CACNB3: variants seen among roughly 807,000 people sequenced by gnomAD.
CACNB3 encodes the protein voltage-dependent L-type calcium channel subunit beta-3.
In CACNB3, 36 loss-of-function variants were observed where a neutral mutation model predicts 63.7. That is an observed-to-expected ratio of 0.57 (90% CI 0.43 to 0.75). The LOEUF (loss-of-function observed/expected upper bound fraction) is 0.75. CACNB3 is among the 30% of genes least tolerant of loss of function. The probability of loss-of-function intolerance (pLI) is 0.00; values close to 1 mark genes in which losing one functional copy is unlikely to be tolerated. For synonymous variants in CACNB3, 241 were observed against 250.6 expected, an observed-to-expected ratio of 0.96 and a Z score of 0.36; for missense variants, 493 against 648.6, an observed-to-expected ratio of 0.76 and a Z score of 2.61.
In CACNB3 at chr12:48,823,489, A is replaced by G. The variant is rs1937963114; in HGVS notation, c.168+23A>G. ...AAGGTATACTTTCTGGGCATGGGGC[A>G]AGACAGGAGGCCAAGCTAGGTGGAA... On this transcript the variant is annotated intron_variant, in intron 2 of 12. Transcript: ENST00000301050. This position sits in a 1 kb window ranked among gnomAD's most constrained non-coding sequence, Gnocchi z 4.2. 1.2e-5 allele frequency: 19 copies of G among 1,611,458 alleles called. No homozygotes were observed. In the East Asian group the frequency reaches 4.2e-4, roughly 36 times the overall value.
intron 1 of CACNB3, 33 bp downstream of exon 1, chr12:48,819,007 A>G (rs1371303503): frequency 6.3e-7 from 1 of 1,592,940 alleles, no homozygotes; most frequent in East Asian, 2.3e-5. Context: ...GGGGCGGGGA[A>G]GTTGGGGTGA....
chr12:48,828,768 CCT>C lies in CACNB3; in HGVS notation c.*870_*871del. ...GAGAACCGGGCTCCAGACTTTGTTC[CCT>C]GACTCATAGCTGCCGCTTGTTAGGT... On this transcript the variant is annotated 3_prime_UTR_variant, in exon 13 of 13. Coordinates refer to ENST00000301050, the MANE Select transcript of CACNB3 (RefSeq NM_000725.4). 2.2e-6 allele frequency: 1 copy of C among 456,392 alleles called. No homozygotes were observed. Among genetic ancestry groups the C allele is most frequent in the South Asian group, 1.5e-5 (1 of 64,560 alleles). 28.3% of individuals were successfully genotyped at this position (456,392 alleles called of 1,614,324 possible).
At chr12:48,822,196 T>A (rs76108647) in intron 1 of CACNB3, among the ~76,000 whole-genome samples, 2 of 152,240 alleles carry the variant, frequency 1.3e-5, no homozygotes, top group Non-Finnish European at 2.9e-5. Context: ...CTCAGAATTG[T>A]GGGAAGTATC....
At chr12:48,817,904 G>A (rs1180292120), upstream of CACNB3, 1 of 152,330 alleles carries the variant, frequency 6.6e-6, no homozygotes, top group African/African-American at 2.4e-5. Context: ...CCTTGGCAGG[G>A]AAGTGGGGAA....
intron 1 of CACNB3, among the ~76,000 whole-genome samples, chr12:48,822,770 G>T (rs1325825540): frequency 6.6e-6 from 1 of 152,194 alleles, no homozygotes; most frequent in African/African-American, 2.4e-5. Context: ...AAGGGTAAGG[G>T]CTCACCATTT....
chr12:48,825,688 C>T lies in CACNB3; in HGVS notation c.661C>T (p.Leu221Phe). The T allele has an allele frequency of 6.2e-7, 1 of 1,614,206 alleles. No individual in the cohort carries two copies. Among genetic ancestry groups the T allele is most frequent in the East Asian group, 2.2e-5 (1 of 44,894 alleles). ...CTCCATCACCCGAGTCACAGCCGAC[C>T]TCTCCCTGGCAAAGCGATCTGTGCT... Reference protein sequence around the residue: ...RISITRVTADLSLAKRSVLNN... With the variant: ...RISITRVTADFSLAKRSVLNN... The change falls in exon 9 of 13, where the codon CTC becomes TTC. Residue 221 changes from leucine (L) to phenylalanine (F), a missense_variant. Physicochemically the swap from Leu to Phe is conservative, Grantham distance 22. Transcript: ENST00000301050. The surrounding 1 kb of genome is among the most constrained non-coding windows in gnomAD (Gnocchi z 4.5).
chr12:48,814,861 A>C (rs1009535400), upstream of CACNB3: 3 of 331,418 alleles, frequency 9.1e-6, no homozygotes, highest in Middle Eastern at 1.6e-3. The surrounding 1 kb of genome is among the most constrained non-coding windows in gnomAD (Gnocchi z 6.9). Flanking sequence ...AGCGAGCCCA[A>C]GGGGCGCTGC....
chr12:48,819,383 C>T (rs1194716162), intron 1 of CACNB3, among the ~76,000 whole-genome samples: 2 of 152,130 alleles, frequency 1.3e-5, no homozygotes, highest in African/African-American at 4.8e-5. Context: ...GGGAGGCAGA[C>T]ATTCTAGACC....
At chr12:48,819,734 A>G in intron 1 of CACNB3, 1 of 446,152 alleles carries the variant, frequency 2.2e-6, no homozygotes, top group Non-Finnish European at 4.5e-6. Flanking sequence ...CTGGGGATGG[A>G]GAGGAAGCGC....
rs1045340 is a variant in CACNB3 at position 48,827,839 on chromosome 12, G to A, written c.1395G>A (p.Glu465=). The A allele has an allele frequency of 0.44, 702,733 of 1,613,640 alleles. 155,333 individuals are homozygous for A. The highest frequency in any genetic ancestry group is 0.6 in the East Asian group (27,012 of 44,842). Residue 465 remains glutamate (E), a synonymous_variant, in exon 13 of 13, where the codon GAG becomes GAA. Transcript: ENST00000301050. ...ACCGGCTTCTAGCCCAGGACTCAGA[G>A]CACAACCACAGTGACCGGAACTGGC... is the stretch of plus-strand genomic sequence containing the variant. The part of the protein sequence containing the change: ...PQDRLLAQDS[E]HNHSDRNWQR...
At chr12:48,815,168 G>C (rs892576662), upstream of CACNB3, 1 of 156,474 alleles carries the variant, frequency 6.4e-6, no homozygotes, top group Non-Finnish European at 1.4e-5. Flanking sequence ...AGGATGGGCG[G>C]CCGGCGCACG....
rs778686211 is a variant in CACNB3, at chr12:48,827,778, CG to C, written c.1338del (p.Leu447CysfsTer14). 1 of 1,614,216 alleles carries C rather than the reference CG, an allele frequency of 6.2e-7. No homozygotes were observed. The highest frequency in any genetic ancestry group is 1.1e-5 in the South Asian group (1 of 91,086). ...TACCAGCCTCACCGCCAACACACCT[CG>C]GGGCTGCCTAGTGCTAACGGGCATG... ...DLYQPHRQHT[S>X]GLPSANGHDP... is the part of the protein sequence containing the mutation. On this transcript the variant is annotated frameshift_variant, in exon 13 of 13. Transcript: ENST00000301050. LOFTEE classifies it high-confidence loss of function.
chr12:48,827,816 C>T lies in CACNB3; in HGVS notation c.1372C>T (p.Arg458Trp), dbSNP rs770339764. The change falls in exon 13 of 13, where the codon CGG (arginine) becomes TGG (tryptophan). Residue 458 changes from arginine (R) to tryptophan (W), a missense_variant. Coordinates refer to ENST00000301050, the MANE Select transcript of CACNB3 (RefSeq NM_000725.4). The stretch of plus-strand genomic sequence containing the variant: ...TGCTAACGGGCATGACCCCCAAGAC[C>T]GGCTTCTAGCCCAGGACTCAGAGCA... ...PSANGHDPQD[R>W]LLAQDSEHNH... 22 of 1,614,046 alleles carry T rather than the reference C, an allele frequency of 1.4e-5. No homozygotes were observed. The highest frequency in any genetic ancestry group is 1.7e-5 in the Admixed American group (1 of 60,014).
upstream of CACNB3, chr12:48,814,898 T>G: frequency 3.8e-6 from 1 of 266,258 alleles, no homozygotes; most frequent in Non-Finnish European, 7.1e-6. The surrounding 1 kb of genome is among the most constrained non-coding windows in gnomAD (Gnocchi z 6.9). Flanking sequence ...GCCGCGTCGC[T>G]TCGCCTCGCC....
At position 48,828,819 on chromosome 12, in the gene CACNB3, G is replaced by A. The variant is rs117407570; in HGVS notation, c.*920G>A. ...GTTAGGGTTAGATGGGGAGAGACAG[G>A]GCACAGAGGACCTGTCTCCCCGGCT... On this transcript the variant is annotated 3_prime_UTR_variant, in exon 13 of 13. Coordinates refer to ENST00000301050, the MANE Select transcript of CACNB3 (RefSeq NM_000725.4). 4 of 454,882 alleles carry A rather than the reference G, an allele frequency of 8.8e-6. No homozygotes were observed. Among genetic ancestry groups the A allele is most frequent in the Non-Finnish European group, 1.8e-5 (4 of 225,936 alleles). 28.2% of individuals were successfully genotyped at this position (454,882 alleles called of 1,614,324 possible).
upstream of CACNB3, chr12:48,814,502 G>C (rs1942238822): frequency 6.5e-7 from 1 of 1,530,216 alleles, no homozygotes; most frequent in African/African-American, 1.4e-5. The surrounding 1 kb of genome is among the most constrained non-coding windows in gnomAD (Gnocchi z 6.9). Flanking sequence ...GCCCAGTCCC[G>C]GCCAGGACGC....
rs1240347346 is a variant in CACNB3, at chr12:48,827,600, G to A, written c.1156G>A (p.Gly386Arg). The A allele has an allele frequency of 6.2e-7, 1 of 1,612,706 alleles. No homozygotes were observed. Residue 386 changes from glycine to arginine, a missense_variant, in exon 13 of 13, where the codon GGG becomes AGG. Physicochemically the swap from Gly to Arg is moderately radical, Grantham distance 125. Transcript: ENST00000301050. Reference sequence around the variant, plus strand: ...TGGCCCCCAGAACCAGCAGCTGCTGGGGGAGCGTGGCGAGGAGCACTCCCC... The same window carrying A: ...TGGCCCCCAGAACCAGCAGCTGCTGAGGGAGCGTGGCGAGGAGCACTCCCC... ...IPGLQNQQLL[G>R]ERGEEHSPLE...
At chr12:48,816,380 T>G (rs1336477233), upstream of CACNB3, among the ~76,000 whole-genome samples, 2 of 152,178 alleles carry the variant, frequency 1.3e-5, no homozygotes, top group Non-Finnish European at 2.9e-5. Flanking sequence ...TCTCCCCTGA[T>G]CCTTTATTGC....
chr12:48,819,688 GGAGGGCCTGGAGGTGAGGCCAGAGGAGCT>G, intron 1 of CACNB3: 1 of 455,888 alleles, frequency 2.2e-6, no homozygotes, highest in South Asian at 1.5e-5. Context: ...TGCCCAGCAT[GGAGGGCCTGGAGGTGAGGCCAGAGGAGCT>G]GAGGGCCTGG....
Sources: gnomAD v4.1 joint callset for allele counts (sites outside exome capture counted in the v4.1 genomes callset) on GRCh38, gnomAD v4.1.1 for gene constraint, Gnocchi (gnomAD v3.1) non-coding constraint, MANE v1.5 for transcripts, NCBI Gene and HGNC (gene_info 2026-07-23, HGNC 2026-07-21) for gene names.